FGF12: variants seen among roughly 807,000 people sequenced by gnomAD.
FGF12 encodes the protein fibroblast growth factor 12B.
A neutral mutation model predicts 23.6 loss-of-function variants in FGF12; 14 were observed. The ratio of observed to expected loss-of-function variants is 0.59; its 90% confidence interval spans 0.39 to 0.93. The LOEUF (loss-of-function observed/expected upper bound fraction) is 0.93, where lower values mean the gene tolerates loss of function less well. FGF12 is among the 40% of genes least tolerant of loss of function. The pLI is 0.00. For missense variants in FGF12, 175 were observed against 217.8 expected (o/e 0.80, Z 1.24); for synonymous variants, 62 against 77.3 (o/e 0.80, Z 1.04).
intron 2 of FGF12, among the ~76,000 whole-genome samples, chr3:192,610,504 TC>T: frequency 6.6e-6 from 1 of 152,130 alleles, no homozygotes; most frequent in East Asian, 1.9e-4. Flanking sequence ...AACACCTTAT[TC>T]CAAACCACAA....
chr3:192,584,936 T>C (rs528275396), intron 2 of FGF12, among the ~76,000 whole-genome samples: 10 of 152,264 alleles, frequency 6.6e-5, no homozygotes, highest in Admixed American at 2.6e-4. Flanking sequence ...GACATCTGCT[T>C]TTCAATAGTG....
chr3:192,668,859 G>T (rs1277713284), intron 2 of FGF12, among the ~76,000 whole-genome samples: 1 of 152,032 alleles, frequency 6.6e-6, no homozygotes, highest in East Asian at 1.9e-4. Context: ...AGAGAAAATA[G>T]ATAAATCTGA....
At chr3:192,422,940 G>GCAAAGAAAACAT (rs2108785225) in intron 2 of FGF12, among the ~76,000 whole-genome samples, 1 of 152,208 alleles carries the variant, frequency 6.6e-6, no homozygotes, top group Non-Finnish European at 1.5e-5. Flanking sequence ...GGCTGGGCAG[G>GCAAAGAAAACAT]GTGGGAAAAC....
At chr3:192,644,635 T>C (rs879451361) in intron 2 of FGF12, among the ~76,000 whole-genome samples, 4 of 152,152 alleles carry the variant, frequency 2.6e-5, no homozygotes, top group Admixed American at 6.5e-5. Context: ...GTACGTCAGG[T>C]ACTATAATAG....
chr3:192,694,168 T>C (rs1199445869), intron 2 of FGF12, among the ~76,000 whole-genome samples: 2 of 152,068 alleles, frequency 1.3e-5, no homozygotes, highest in Non-Finnish European at 2.9e-5. Context: ...GTCATTACGA[T>C]ATGCAAATCA....
chr3:192,247,046 AAGGAAG>A (rs1560032990), intron 4 of FGF12, among the ~76,000 whole-genome samples: 785 of 60,970 alleles, frequency 0.013, 27 homozygotes, highest in East Asian at 0.048. Flanking sequence ...GGAAGGAAGG[AAGGAAG>A]GAAGGAAGGA....
intron 2 of FGF12, among the ~76,000 whole-genome samples, chr3:192,372,701 C>G (rs1189756876): frequency 6.6e-6 from 1 of 152,184 alleles, no homozygotes; most frequent in East Asian, 1.9e-4. Context: ...AACACTCTTT[C>G]TCTTCCAAAC....
intron 2 of FGF12, among the ~76,000 whole-genome samples, chr3:192,511,966 A>C (rs1724491277): frequency 6.6e-6 from 1 of 152,206 alleles, no homozygotes; most frequent in South Asian, 2.1e-4. Flanking sequence ...ATATTTTCTT[A>C]GTACTATTCA....
chr3:192,329,263 C>T (rs1716986241), intron 4 of FGF12, among the ~76,000 whole-genome samples: 1 of 152,052 alleles, frequency 6.6e-6, no homozygotes, highest in African/African-American at 2.4e-5. Context: ...AGACAGGTGA[C>T]ATATCAGGTA....
chr3:192,571,088 A>AGGGGG (rs1390077944), intron 2 of FGF12, among the ~76,000 whole-genome samples: 1 of 144,044 alleles, frequency 6.9e-6, no homozygotes, highest in Non-Finnish European at 1.6e-5. Flanking sequence ...TTGGGGGGAA[A>AGGGGG]AAACAAACCT....
intron 2 of FGF12, among the ~76,000 whole-genome samples, chr3:192,462,035 A>G (rs946382196): frequency 1.3e-5 from 2 of 152,106 alleles, no homozygotes; most frequent in South Asian, 4.1e-4. Context: ...TTATTGGATG[A>G]TAAGAAAATG....
In FGF12 at chr3:192,360,204, G is replaced by C. The variant is rs1360164585; in HGVS notation, c.124+224C>G. On this transcript the variant is annotated intron_variant, in intron 3 of 5. Coordinates refer to ENST00000445105, the MANE Select transcript of FGF12 (RefSeq NM_004113.6). This position sits in a 1 kb window ranked among gnomAD's most constrained non-coding sequence, Gnocchi z 4.3. ...TATATTCTTGCCCATTGACCAAATGGACAAGCCTCTTACCTTCTCTTAAGT... is the reference window on the plus strand; with the variant it reads ...TATATTCTTGCCCATTGACCAAATGCACAAGCCTCTTACCTTCTCTTAAGT... Among the ~76,000 whole-genome samples the C allele has an allele frequency of 6.6e-6, 1 of 152,076 alleles. No individual in the cohort carries two copies. Among genetic ancestry groups the C allele is most frequent in the East Asian group, 1.9e-4 (1 of 5,188 alleles).
intron 2 of FGF12, among the ~76,000 whole-genome samples, chr3:192,476,514 C>G (rs1472424229): frequency 6.6e-6 from 1 of 152,182 alleles, no homozygotes; most frequent in Non-Finnish European, 1.5e-5. Flanking sequence ...GGCATTAAGT[C>G]CAACAGCCTC....
chr3:192,269,999 A>G (rs1007723683), intron 4 of FGF12, among the ~76,000 whole-genome samples: 1 of 152,158 alleles, frequency 6.6e-6, no homozygotes, highest in Non-Finnish European at 1.5e-5. Context: ...AGAACATGGA[A>G]TATTTGTAAT....
chr3:192,710,848 G>A (rs550799277), intron 2 of FGF12, among the ~76,000 whole-genome samples: 3 of 152,250 alleles, frequency 2.0e-5, no homozygotes, highest in East Asian at 3.9e-4. Context: ...ACATTTCTAC[G>A]GATTTCCAAA....
At chr3:192,566,263 C>T (rs1236388921) in intron 2 of FGF12, among the ~76,000 whole-genome samples, 1 of 152,190 alleles carries the variant, frequency 6.6e-6, no homozygotes, top group African/African-American at 2.4e-5. Context: ...AATCTGGCCT[C>T]AGACTTTACT....
intron 4 of FGF12, among the ~76,000 whole-genome samples, chr3:192,297,450 C>T (rs920485653): frequency 3.7e-4 from 56 of 152,118 alleles, no homozygotes; most frequent in Admixed American, 1.1e-3. Context: ...TGCCAATTCA[C>T]ATATCTAAAG....
At chr3:192,619,709 G>A (rs760734915) in intron 2 of FGF12, among the ~76,000 whole-genome samples, 1 of 152,090 alleles carries the variant, frequency 6.6e-6, no homozygotes, top group Non-Finnish European at 1.5e-5. Context: ...TATAATGTGC[G>A]AAATTGGAGA....
At chr3:192,430,687 G>A (rs1394600507) in intron 2 of FGF12, among the ~76,000 whole-genome samples, 2 of 152,084 alleles carry the variant, frequency 1.3e-5, no homozygotes, top group East Asian at 3.9e-4. Flanking sequence ...TCATTTATTG[G>A]GGTCCTATTA....
Sources: gnomAD v4.1 joint callset for allele counts (sites outside exome capture counted in the v4.1 genomes callset) on GRCh38, gnomAD v4.1.1 for gene constraint, Gnocchi (gnomAD v3.1) non-coding constraint, MANE v1.5 for transcripts, NCBI Gene and HGNC (gene_info 2026-07-23, HGNC 2026-07-21) for gene names.